Variants in PNPLA3 observed in about 807,000 individuals in gnomAD.
The protein encoded by PNPLA3 is patatin like domain 3, 1-acylglycerol-3-phosphate O-acyltransferase, also known as 1-acylglycerol-3-phosphate O-acyltransferase PNPLA3.
A neutral mutation model predicts 43.1 loss-of-function variants in PNPLA3; 42 were observed. The observed-to-expected ratio is 0.97, with a 90% CI of 0.76 to 1.26. The LOEUF is 1.26. Among genes scored for constraint, PNPLA3 ranks in the 50% most tolerant of loss-of-function variants. The probability of loss-of-function intolerance (pLI) is 0.00; values close to 1 mark genes in which losing one functional copy is unlikely to be tolerated. For synonymous variants in PNPLA3, 272 were observed against 253.6 expected, an observed-to-expected ratio of 1.07 and a Z score of -0.69; for missense variants, 647 against 621.4, an observed-to-expected ratio of 1.04 and a Z score of -0.44.
chr22:43,934,331 A>G (rs1977082), intron 4 of PNPLA3, among the ~76,000 whole-genome samples: 8,380 of 139,354 alleles, frequency 0.06, 321 homozygotes, highest in Middle Eastern at 0.093. Flanking sequence ...AAAAAAAAAA[A>G]AAAAAGAAAA....
chr22:43,929,153 T>C (rs1224323676), intron 3 of PNPLA3, among the ~76,000 whole-genome samples: 1 of 152,182 alleles, frequency 6.6e-6, no homozygotes, highest in African/African-American at 2.4e-5. Flanking sequence ...ACCTTAAGCA[T>C]CAGATAGCTT....
intron 1 of PNPLA3, chr22:43,924,315 G>T: frequency 1.7e-6 from 1 of 574,502 alleles, no homozygotes; most frequent in Non-Finnish European, 2.8e-6. Context: ...GAGCGGTCCG[G>T]GCCGAAGCCT....
chr22:43,942,494 C>A (rs1413435595), intron 7 of PNPLA3, among the ~76,000 whole-genome samples: 1 of 152,074 alleles, frequency 6.6e-6, no homozygotes, highest in South Asian at 2.1e-4. Flanking sequence ...CACATTCTCA[C>A]TTCTTTGCAG....
At chr22:43,938,339 T>A (rs2050009488) in intron 6 of PNPLA3, among the ~76,000 whole-genome samples, 1 of 152,124 alleles carries the variant, frequency 6.6e-6, no homozygotes, top group Admixed American at 6.5e-5. Context: ...GGTGCATTAG[T>A]TTGTTCTCAC....
rs778597779 is a variant in PNPLA3, at chr22:43,932,925, CA to C, written c.538del (p.Thr180GlnfsTer83). ...VSDNVPFIDA[K>X]TTITVSPFYG... Reference sequence around the variant, plus strand: ...GTGACAACGTACCCTTCATTGATGCCAAAACAACCATCACCGTGTCCCCCTT... The same window carrying C: ...GTGACAACGTACCCTTCATTGATGCCAAACAACCATCACCGTGTCCCCCTT... On this transcript the variant is annotated frameshift_variant, in exon 4 of 9. Transcript: ENST00000216180. LOFTEE classifies it high-confidence loss of function. 1 of 1,614,182 alleles carries C rather than the reference CA, an allele frequency of 6.2e-7. No homozygotes were observed. The highest frequency in any genetic ancestry group is 1.7e-5 in the Admixed American group (1 of 60,028).
Position 43,938,297 on chromosome 22 carries a change from T to G in PNPLA3, c.979+1025T>G, listed in dbSNP as rs144501861. Among the ~76,000 whole-genome samples the G allele has an allele frequency of 2.8e-3, 419 of 152,280 alleles. 2 individuals carry two copies. Among genetic ancestry groups the G allele is most frequent in the African/African-American group, 9.5e-3 (396 of 41,556 alleles). ...CAGACATAACTCCTTATTCTTGAGG[T>G]GCCCTAAGAGATGGGACACAGCAGC... On this transcript the variant is annotated intron_variant, in intron 6 of 8. Transcript: ENST00000216180.
chr22:43,937,581 A>G (rs1209137448), intron 6 of PNPLA3, among the ~76,000 whole-genome samples: 1 of 151,698 alleles, frequency 6.6e-6, no homozygotes, highest in Admixed American at 6.6e-5. Context: ...GGCCCTCTGT[A>G]CCCCTTTCCA....
intron 8 of PNPLA3, 136 bp from the exon 9 acceptor site, chr22:43,946,016 CTG>C: frequency 1.3e-6 from 1 of 782,906 alleles, no homozygotes; most frequent in Non-Finnish European, 2.1e-6. Context: ...CTAGAAGAAG[CTG>C]TGTCTCTGGC....
rs752775766 is a variant in PNPLA3 at position 43,924,013 on chromosome 22, G to T, written c.102G>T (p.Pro34=). 2.2e-5 allele frequency: 35 copies of T among 1,583,944 alleles called. No homozygotes were observed. The highest frequency in any genetic ancestry group is 1.0e-5 in the Non-Finnish European group (12 of 1,173,868). ...CCCGCTGCCTGAGCGAGCACGCCCC[G>T]CACCTCCTCCGCGACGCGCGCATGT... ...GATRCLSEHA[P]HLLRDARMLF... is the part of the protein sequence containing the mutation. Residue 34 remains proline, a synonymous_variant, in exon 1 of 9, where the codon CCG becomes CCT. Transcript: ENST00000216180.
intron 6 of PNPLA3, chr22:43,939,208 G>A (rs1053351231): frequency 4.7e-6 from 1 of 214,486 alleles, no homozygotes; most frequent in Non-Finnish European, 8.0e-6. Flanking sequence ...TGACAGGCAT[G>A]AGCCACCATG....
In PNPLA3 at chr22:43,931,535, G is replaced by T. The variant is rs146454252; in HGVS notation, c.487-1343G>T. 1.7e-3 allele frequency among the ~76,000 whole-genome samples: 263 copies of T among 152,182 alleles called. 3 individuals carry two copies. Among genetic ancestry groups the T allele is most frequent in the African/African-American group, 6.1e-3 (253 of 41,512 alleles). ...AGTGAGGTTTTTGTTTGTTTTTTGAGACAGAGTCTCACTGTATCACCTAGG... is the reference window on the plus strand; with the variant it reads ...AGTGAGGTTTTTGTTTGTTTTTTGATACAGAGTCTCACTGTATCACCTAGG... On this transcript the variant is annotated intron_variant, in intron 3 of 8. Coordinates refer to ENST00000216180, the MANE Select transcript of PNPLA3 (RefSeq NM_025225.3).
intron 7 of PNPLA3, among the ~76,000 whole-genome samples, chr22:43,943,026 T>G (rs942297158): frequency 9.8e-5 from 15 of 152,298 alleles, no homozygotes; most frequent in Admixed American, 9.2e-4. Context: ...TCATCACTCG[T>G]TGTCTTTTTG....
chr22:43,928,224 C>T (rs734561), intron 2 of PNPLA3, among the ~76,000 whole-genome samples: 36,284 of 152,136 alleles, frequency 0.24, 4,527 homozygotes, highest in East Asian at 0.35. Context: ...ACCTTGTTTG[C>T]GGAAGCTTTC....
rs1017454182 is a variant in PNPLA3 at position 43,939,399 on chromosome 22, A to C, written c.980-594A>C. The C allele has an allele frequency of 3.1e-6, 3 of 982,148 alleles. No homozygotes were observed. The Admixed American group carries it at 1.8e-4, about 60-fold the overall frequency. The allele number at this position is 982,148 out of a possible 1,614,324, so 60.8% of individuals were successfully genotyped here. Reference sequence around the variant, plus strand: ...TAAAAGCAGGCTTTCTGGAATGGCGACTTCCAAACATATTTGTCAATTTAA... The same window carrying C: ...TAAAAGCAGGCTTTCTGGAATGGCGCCTTCCAAACATATTTGTCAATTTAA... On this transcript the variant is annotated intron_variant, in intron 6 of 8. Transcript: ENST00000216180.
intron 6 of PNPLA3, chr22:43,939,452 C>T: frequency 1.1e-6 from 1 of 933,184 alleles, no homozygotes; most frequent in Non-Finnish European, 1.3e-6. Context: ...ACCCTATGCT[C>T]CGTAAGCACT....
chr22:43,925,318 T>G (rs2049915192), intron 1 of PNPLA3, among the ~76,000 whole-genome samples: 1 of 152,152 alleles, frequency 6.6e-6, no homozygotes, highest in Non-Finnish European at 1.5e-5. Context: ...AGGGTTTGTT[T>G]CTCACTAGCT....
At chr22:43,929,206 T>C (rs1162976498) in intron 3 of PNPLA3, among the ~76,000 whole-genome samples, 1 of 152,204 alleles carries the variant, frequency 6.6e-6, no homozygotes, top group Non-Finnish European at 1.5e-5. Flanking sequence ...CCAGGCGCGG[T>C]GGCTCATGTC....
chr22:43,932,924 C>G lies in PNPLA3; in HGVS notation c.533C>G (p.Ala178Gly). Residue 178 changes from alanine to glycine, a missense_variant, in exon 4 of 9, where the codon GCC becomes GGC. Physicochemically the swap from Ala to Gly is moderately conservative, Grantham distance 60. Coordinates refer to ENST00000216180, the MANE Select transcript of PNPLA3 (RefSeq NM_025225.3). The stretch of plus-strand genomic sequence containing the variant: ...AGTGACAACGTACCCTTCATTGATG[C>G]CAAAACAACCATCACCGTGTCCCCC... ...GVSDNVPFID[A>G]KTTITVSPFY... The G allele has an allele frequency of 1.2e-6, 2 of 1,614,200 alleles. No homozygotes were observed. Among genetic ancestry groups the G allele is most frequent in the African/African-American group, 2.7e-5 (2 of 75,050 alleles).
At chr22:43,935,380 G>A (rs2049988288) in intron 5 of PNPLA3, among the ~76,000 whole-genome samples, 2 of 152,198 alleles carry the variant, frequency 1.3e-5, no homozygotes, top group African/African-American at 4.8e-5. Context: ...ACCCTTGCCA[G>A]CCTTGTGAGA....
Sources: gnomAD v4.1 joint callset for allele counts (sites outside exome capture counted in the v4.1 genomes callset) on GRCh38, gnomAD v4.1.1 for gene constraint, MANE v1.5 for transcripts, NCBI Gene and HGNC (gene_info 2026-07-23, HGNC 2026-07-21) for gene names.